KCNJ6: variants seen among roughly 807,000 people sequenced by gnomAD.
KCNJ6 encodes G protein-activated inward rectifier potassium channel 2.
In KCNJ6, 9 loss-of-function variants were observed where a neutral mutation model predicts 34.2. The ratio of observed to expected loss-of-function variants is 0.26; its 90% CI spans 0.16 to 0.46. The LOEUF (loss-of-function observed/expected upper bound fraction) is 0.46. Among genes scored for constraint, KCNJ6 ranks in the 20% least tolerant of loss-of-function variants. The pLI, the probability that KCNJ6 is intolerant of heterozygous loss-of-function variation, is 1.00. For missense variants in KCNJ6, 236 were observed against 531.3 expected, an observed-to-expected ratio of 0.44 and a Z score of 5.46; for synonymous variants, 196 against 207.1, an observed-to-expected ratio of 0.95 and a Z score of 0.46.
chr21:37,772,806 T>G (rs2055123614), intron 2 of KCNJ6, among the ~76,000 whole-genome samples: 1 of 152,208 alleles, frequency 6.6e-6, no homozygotes, highest in Non-Finnish European at 1.5e-5. Context: ...AACCTAAATA[T>G]GTAATTTACA....
rs1182136689 is a variant in KCNJ6 at position 37,793,571 on chromosome 21, AG to A, written c.25+47086del. On this transcript the variant is annotated intron_variant, in intron 2 of 3. Coordinates refer to ENST00000609713, the MANE Select transcript of KCNJ6 (RefSeq NM_002240.5). ...AAAAAAAAAAAAAAAAAAAAAAAAA[AG>A]AGTGAGAGCTATCAAGCCTCTAAGG... Among the ~76,000 whole-genome samples the A allele has an allele frequency of 8.7e-3, 1,266 of 146,250 alleles. 39 individuals carry two copies. Among genetic ancestry groups the A allele is most frequent in the African/African-American group, 0.027 (1,076 of 39,320 alleles).
At chr21:37,796,903 C>T (rs1269768408) in intron 2 of KCNJ6, among the ~76,000 whole-genome samples, 24 of 147,438 alleles carry the variant, frequency 1.6e-4, no homozygotes, top group African/African-American at 6.0e-4. Context: ...ACGCCATTCT[C>T]CTGCCTCAGC....
chr21:37,735,758 T>G (rs858024), intron 2 of KCNJ6, among the ~76,000 whole-genome samples: 142,479 of 152,278 alleles, frequency 0.94, 66,869 homozygotes, highest in East Asian at 1. Flanking sequence ...GAGCAGCCAC[T>G]TGGAGGATGC....
chr21:37,695,428 T>C lies in KCNJ6; in HGVS notation c.946+18783A>G, dbSNP rs999073347. Reference sequence around the variant, plus strand: ...TTTCACAGGGCTGGTTTTTACATTATGCAGCTCAATAAAAGTAGTGGGCTT... The same window carrying C: ...TTTCACAGGGCTGGTTTTTACATTACGCAGCTCAATAAAAGTAGTGGGCTT... On this transcript the variant is annotated intron_variant, in intron 3 of 3. Coordinates refer to ENST00000609713, the MANE Select transcript of KCNJ6 (RefSeq NM_002240.5). The surrounding 1 kb of genome is among the most constrained non-coding windows in gnomAD (Gnocchi z 4.2). Among the ~76,000 whole-genome samples the C allele has an allele frequency of 6.6e-6, 1 of 152,220 alleles. No individual in the cohort carries two copies. Among genetic ancestry groups the C allele is most frequent in the African/African-American group, 2.4e-5 (1 of 41,466 alleles).
chr21:37,812,547 A>G lies in KCNJ6; in HGVS notation c.25+28111T>C, dbSNP rs578257056. On this transcript the variant is annotated intron_variant, in intron 2 of 3. Coordinates refer to ENST00000609713, the MANE Select transcript of KCNJ6 (RefSeq NM_002240.5). ...ACACTAGTTAACTGTATTCAACAAC[A>G]CATTAAAAAGATCACTCATCATGAC... Among the ~76,000 whole-genome samples the G allele has an allele frequency of 6.6e-5, 10 of 152,306 alleles. No homozygotes were observed. The East Asian group carries it at 1.9e-3, about 29-fold the overall frequency.
intron 2 of KCNJ6, among the ~76,000 whole-genome samples, chr21:37,731,117 G>GTGTGTGTGTGTGTGTA (rs1556026765): frequency 6.6e-6 from 1 of 151,750 alleles, no homozygotes; most frequent in African/African-American, 2.4e-5. Context: ...GTGTGTGTGT[G>GTGTGTGTGTGTGTGTA]TGTGTGTGTG....
At chr21:37,684,144 A>C (rs1316106368) in intron 3 of KCNJ6, among the ~76,000 whole-genome samples, 1 of 54,908 alleles carries the variant, frequency 1.8e-5, no homozygotes, top group Non-Finnish European at 3.4e-5. Flanking sequence ...ATGGTCTCAC[A>C]GTTCTGGAGG....
rs1601387335 is a variant in KCNJ6 at position 37,614,926 on chromosome 21, T to C, written c.*10233A>G. 6.6e-6 allele frequency: 1 copy of C among 152,174 alleles called. No homozygotes were observed. The highest frequency in any genetic ancestry group is 1.9e-4 in the East Asian group (1 of 5,198). The allele number at this position is 152,174 out of a possible 1,614,324, so 9.4% of individuals were successfully genotyped here. A position where few individuals can be genotyped will look rare whatever the true frequency, so the allele number is the denominator to read the frequency against. ...AGTGTAACATTCAGAGGAATCCTCA[T>C]TCTTTTAGAAAAGGAAAAAATCTCT... On this transcript the variant is annotated 3_prime_UTR_variant, in exon 4 of 4. Coordinates refer to ENST00000609713, the MANE Select transcript of KCNJ6 (RefSeq NM_002240.5).
intron 2 of KCNJ6, among the ~76,000 whole-genome samples, chr21:37,772,776 A>G (rs920679166): frequency 1.3e-4 from 20 of 152,202 alleles, no homozygotes; most frequent in Admixed American, 1.0e-3. Context: ...TCTTCACTAA[A>G]TATGATAAAG....
chr21:37,662,838 AT>A (rs1280091959), intron 3 of KCNJ6, among the ~76,000 whole-genome samples: 1 of 148,712 alleles, frequency 6.7e-6, no homozygotes, highest in Non-Finnish European at 1.5e-5. Flanking sequence ...GTGGTTTTGG[AT>A]TTGCATTTCT....
At chr21:37,914,449 C>T (rs1444721447) in intron 1 of KCNJ6, among the ~76,000 whole-genome samples, 2 of 152,154 alleles carry the variant, frequency 1.3e-5, no homozygotes, top group Non-Finnish European at 2.9e-5. Flanking sequence ...CAGGGGCACC[C>T]GGCCAGCTCT....
At chr21:37,912,003 C>T (rs1247732200) in intron 1 of KCNJ6, among the ~76,000 whole-genome samples, 1 of 152,064 alleles carries the variant, frequency 6.6e-6, no homozygotes, top group South Asian at 2.1e-4. Flanking sequence ...GAGTTAAAAG[C>T]CCTTCTATAT....
intron 1 of KCNJ6, among the ~76,000 whole-genome samples, chr21:37,858,032 T>C (rs1233681989): frequency 1.3e-5 from 2 of 151,988 alleles, no homozygotes; most frequent in East Asian, 1.9e-4. Flanking sequence ...ATTCAACATA[T>C]ATAGAGTTTG....
At chr21:37,660,206 C>T (rs1474789219) in intron 3 of KCNJ6, among the ~76,000 whole-genome samples, 1 of 152,210 alleles carries the variant, frequency 6.6e-6, no homozygotes, top group Non-Finnish European at 1.5e-5. Context: ...CACCTACACT[C>T]TCTTCCTTTT....
At chr21:37,852,942 G>A (rs922156527) in intron 1 of KCNJ6, among the ~76,000 whole-genome samples, 4 of 152,004 alleles carry the variant, frequency 2.6e-5, no homozygotes, top group Admixed American at 2.6e-4. Context: ...AAGAAACAGT[G>A]AACTTGTTGA....
intron 1 of KCNJ6, among the ~76,000 whole-genome samples, chr21:37,909,136 G>T (rs1167830414): frequency 6.6e-6 from 1 of 152,160 alleles, no homozygotes; most frequent in East Asian, 1.9e-4. Context: ...AGATGACAAA[G>T]TGTCCCTCAG....
At chr21:37,827,129 G>A (rs2055402877) in intron 2 of KCNJ6, among the ~76,000 whole-genome samples, 1 of 152,158 alleles carries the variant, frequency 6.6e-6, no homozygotes, top group Admixed American at 6.5e-5. Context: ...AATATCCCTA[G>A]CAACTAAGCA....
At chr21:37,734,838 T>C (rs1316839580) in intron 2 of KCNJ6, among the ~76,000 whole-genome samples, 1 of 152,138 alleles carries the variant, frequency 6.6e-6, no homozygotes, top group Non-Finnish European at 1.5e-5. Flanking sequence ...ATGATTGATA[T>C]ATATAATTGC....
intron 2 of KCNJ6, among the ~76,000 whole-genome samples, chr21:37,831,056 GC>G (rs1425473079): frequency 6.6e-6 from 1 of 152,150 alleles, no homozygotes; most frequent in Non-Finnish European, 1.5e-5. Flanking sequence ...AAGGCGGGAA[GC>G]CCCCCTTGCA....
Sources: gnomAD v4.1 joint callset for allele counts (sites outside exome capture counted in the v4.1 genomes callset) on GRCh38, gnomAD v4.1.1 for gene constraint, Gnocchi (gnomAD v3.1) non-coding constraint, MANE v1.5 for transcripts, NCBI Gene and HGNC (gene_info 2026-07-23, HGNC 2026-07-21) for gene names.